Variants in NKAIN2 observed in about 807,000 individuals in gnomAD.
NKAIN2 encodes sodium/potassium-transporting ATPase subunit beta-1-interacting protein 2.
In NKAIN2, 14 loss-of-function variants were observed where a neutral mutation model predicts 32.6. That is an observed-to-expected ratio of 0.43 (90% CI 0.28 to 0.67). The LOEUF (loss-of-function observed/expected upper bound fraction) is 0.67, where lower values mean the gene tolerates loss of function less well. NKAIN2 is among the 30% of genes least tolerant of loss of function. The pLI is 0.17. For synonymous variants in NKAIN2, 80 were observed against 87.2 expected (o/e 0.92, Z 0.46); for missense variants, 198 against 258.3 (o/e 0.77, Z 1.60).
At chr6:124,537,214 T>C (rs12665273) in intron 3 of NKAIN2, among the ~76,000 whole-genome samples, 4,139 of 152,252 alleles carry the variant, frequency 0.027, 195 homozygotes, top group East Asian at 0.16. Context: ...AATTGGAAAA[T>C]TCTCCTAAAC....
At chr6:124,299,083 G>T (rs1415286530) in intron 2 of NKAIN2, among the ~76,000 whole-genome samples, 1 of 152,216 alleles carries the variant, frequency 6.6e-6, no homozygotes, top group Non-Finnish European at 1.5e-5. Context: ...AGACACTGAT[G>T]CTCTGTTACA....
At chr6:124,379,708 A>G (rs1772539936) in intron 3 of NKAIN2, among the ~76,000 whole-genome samples, 1 of 152,120 alleles carries the variant, frequency 6.6e-6, no homozygotes, top group Admixed American at 6.5e-5. Flanking sequence ...TATGTGTGAT[A>G]TCATCTTGAA....
At chr6:124,520,308 T>C (rs1028129459) in intron 3 of NKAIN2, among the ~76,000 whole-genome samples, 1 of 152,204 alleles carries the variant, frequency 6.6e-6, no homozygotes, top group Admixed American at 6.5e-5. Flanking sequence ...AACATCATAC[T>C]TGATTTAAAT....
At chr6:124,348,753 G>A (rs1042069010) in intron 2 of NKAIN2, among the ~76,000 whole-genome samples, 1 of 152,242 alleles carries the variant, frequency 6.6e-6, no homozygotes, top group African/African-American at 2.4e-5. Context: ...GCACAGGTCA[G>A]TGGGTGCAGT....
chr6:124,150,109 T>G (rs926796330), intron 1 of NKAIN2, among the ~76,000 whole-genome samples: 30 of 152,164 alleles, frequency 2.0e-4, no homozygotes, highest in African/African-American at 7.0e-4. Context: ...TCTTCAGCTA[T>G]TCTCCCCCCT....
chr6:124,303,103 T>C (rs182163599), intron 2 of NKAIN2, among the ~76,000 whole-genome samples: 1 of 152,312 alleles, frequency 6.6e-6, no homozygotes. Context: ...ATCTATTATT[T>C]TGAACACTAT....
At chr6:123,952,324 ATC>A (rs1253345250) in intron 1 of NKAIN2, among the ~76,000 whole-genome samples, 1 of 151,924 alleles carries the variant, frequency 6.6e-6, no homozygotes, top group African/African-American at 2.4e-5. Flanking sequence ...GTTATTAGGA[ATC>A]TCTCTTTTTC....
chr6:124,118,397 G>A (rs1347593098), intron 1 of NKAIN2, among the ~76,000 whole-genome samples: 1 of 152,138 alleles, frequency 6.6e-6, no homozygotes, highest in Admixed American at 6.6e-5. Flanking sequence ...TGCAAGTATT[G>A]TCTTTAAATA....
At chr6:124,399,963 A>T (rs1773557299) in intron 3 of NKAIN2, among the ~76,000 whole-genome samples, 1 of 152,164 alleles carries the variant, frequency 6.6e-6, no homozygotes, top group African/African-American at 2.4e-5. Flanking sequence ...TTTTTACAGG[A>T]GCTTTAGGAA....
chr6:123,824,328 T>C (rs1774051242), intron 1 of NKAIN2, among the ~76,000 whole-genome samples: 1 of 152,042 alleles, frequency 6.6e-6, no homozygotes, highest in South Asian at 2.1e-4. Flanking sequence ...ATGAACATGA[T>C]TATCTGTATT....
At chr6:124,624,882 C>T (rs1489119397) in intron 3 of NKAIN2, among the ~76,000 whole-genome samples, 2 of 152,102 alleles carry the variant, frequency 1.3e-5, no homozygotes, top group African/African-American at 4.8e-5. Context: ...TAAAATGCAT[C>T]ATTGTGTTTT....
intron 4 of NKAIN2, among the ~76,000 whole-genome samples, chr6:124,712,207 A>C: frequency 6.7e-6 from 1 of 150,044 alleles, no homozygotes; most frequent in Non-Finnish European, 1.5e-5. Context: ...TGGGAGAACC[A>C]CTGCTCTCTT....
rs1562267212 is a variant in NKAIN2, at chr6:123,938,411, TATATATATATATATATATA to T, written c.54+134158_54+134176del. ...TTTGCAAGGGTTATATATATATATA[TATATATATATATATATATA>T]TATATATATATATATATATATACAC... On this transcript the variant is annotated intron_variant, in intron 1 of 6. Transcript: ENST00000368417. Among the ~76,000 whole-genome samples, 229 of 70,098 alleles carry T rather than the reference TATATATATATATATATATA, an allele frequency of 3.3e-3. 3 individuals carry two copies. Among genetic ancestry groups the T allele is most frequent in the East Asian group, 0.014 (54 of 3,994 alleles). 46.0% of individuals were successfully genotyped at this position (70,098 alleles called of 152,430 possible). A position where few individuals can be genotyped will look rare whatever the true frequency, so the allele number is the denominator to read the frequency against.
intron 3 of NKAIN2, among the ~76,000 whole-genome samples, chr6:124,465,105 C>T (rs1776692457): frequency 6.6e-6 from 1 of 151,902 alleles, no homozygotes; most frequent in African/African-American, 2.4e-5. Context: ...ACAGAAATAC[C>T]ATTTGACCCA....
At chr6:124,430,397 T>G (rs1465965877) in intron 3 of NKAIN2, among the ~76,000 whole-genome samples, 2 of 152,194 alleles carry the variant, frequency 1.3e-5, no homozygotes, top group African/African-American at 4.8e-5. Flanking sequence ...ATTTTACTGT[T>G]ATCTCTTATG....
Position 124,567,738 on chromosome 6 carries a change from G to C in NKAIN2, c.274-90448G>C, listed in dbSNP as rs141663210. On this transcript the variant is annotated intron_variant, in intron 3 of 6. Coordinates refer to ENST00000368417, the MANE Select transcript of NKAIN2 (RefSeq NM_001040214.3). ...CTGCAAACCTTTTGGTTTTAATTCAGAAAGTAAATATGTTGGGCTTTGCAG... is the reference window on the plus strand; with the variant it reads ...CTGCAAACCTTTTGGTTTTAATTCACAAAGTAAATATGTTGGGCTTTGCAG... Among the ~76,000 whole-genome samples the C allele has an allele frequency of 1.3e-3, 201 of 152,330 alleles. 1 individual carries two copies. Among genetic ancestry groups the C allele is most frequent in the African/African-American group, 4.6e-3 (193 of 41,574 alleles).
At chr6:123,809,369 C>T (rs1221404498) in intron 1 of NKAIN2, among the ~76,000 whole-genome samples, 1 of 151,854 alleles carries the variant, frequency 6.6e-6, no homozygotes, top group African/African-American at 2.4e-5. Flanking sequence ...AGAATAAGTA[C>T]TCTATTTATT....
chr6:123,857,697 G>C (rs1183980708), intron 1 of NKAIN2, among the ~76,000 whole-genome samples: 7 of 152,076 alleles, frequency 4.6e-5, no homozygotes, highest in African/African-American at 1.7e-4. Flanking sequence ...AGTTCAACAT[G>C]CTTAATAAAG....
At chr6:123,961,119 C>T (rs1777827051) in intron 1 of NKAIN2, among the ~76,000 whole-genome samples, 1 of 151,938 alleles carries the variant, frequency 6.6e-6, no homozygotes, top group African/African-American at 2.4e-5. Flanking sequence ...GTAACTGTTG[C>T]TCTCAGTGAC....
Sources: allele counts gnomAD v4.1 joint callset (sites outside exome capture counted in the v4.1 genomes callset), GRCh38; gene constraint gnomAD v4.1.1; transcripts MANE v1.5; gene names NCBI Gene and HGNC (gene_info 2026-07-23, HGNC 2026-07-21).